Variants in TBXAS1 observed in about 807,000 individuals in gnomAD.
TBXAS1 encodes thromboxane A synthase 1, also known as thromboxane-A synthase.
A neutral mutation model predicts 60.7 loss-of-function variants in TBXAS1; 48 were observed. That is an observed-to-expected ratio of 0.79 (90% CI 0.63 to 1.01). The LOEUF is 1.01. TBXAS1 is among the 50% of genes least tolerant of loss of function. The pLI is 0.00. For missense variants in TBXAS1, 685 were observed against 686.3 expected (o/e 1.00, Z 0.02); for synonymous variants, 287 against 269.7 (o/e 1.06, Z -0.63).
intron 3 of TBXAS1, among the ~76,000 whole-genome samples, chr7:139,903,682 C>T (rs185320024): frequency 2.1e-4 from 32 of 152,032 alleles, no homozygotes; most frequent in East Asian, 5.8e-4. Flanking sequence ...CAGTTTTGAT[C>T]GGCATTTCCC....
Position 139,953,530 on chromosome 7 carries a change from AC to A in TBXAS1, c.539+75del, listed in dbSNP as rs1809584047. ...TTCTTGTAACTGTCCATAATTGCTG[AC>A]AATTACCTTGGGACTAGCAAACTGT... On this transcript the variant is annotated intron_variant, in intron 6 of 12. Coordinates refer to ENST00000448866, the MANE Select transcript of TBXAS1 (RefSeq NM_001061.7). 1.2e-5 allele frequency: 17 copies of A among 1,418,138 alleles called. No individual in the cohort carries two copies. In the South Asian group the frequency reaches 1.8e-4, roughly 15 times the overall value. 87.8% of individuals were successfully genotyped at this position (1,418,138 alleles called of 1,614,324 possible). A position where few individuals can be genotyped will look rare whatever the true frequency, so the allele number is the denominator to read the frequency against.
chr7:139,911,157 T>C (rs1012334875), intron 3 of TBXAS1, 68 bp from the exon 4 acceptor site: 5 of 1,366,832 alleles, frequency 3.7e-6, no homozygotes, highest in African/African-American at 1.4e-5. Context: ...TAAGCTACCG[T>C]GAACTCTTTT....
At chr7:139,877,573 C>T (rs965555108) in intron 3 of TBXAS1, among the ~76,000 whole-genome samples, 1 of 151,946 alleles carries the variant, frequency 6.6e-6, no homozygotes. Flanking sequence ...CAGGCGCCCG[C>T]CACCATGCCT....
At chr7:139,892,629 AAAC>A (rs1393528937) in intron 3 of TBXAS1, among the ~76,000 whole-genome samples, 1 of 151,968 alleles carries the variant, frequency 6.6e-6, no homozygotes, top group African/African-American at 2.4e-5. Context: ...CAACAAAACA[AAAC>A]AAACAAAAAA....
intron 1 of TBXAS1, among the ~76,000 whole-genome samples, chr7:139,841,999 CAG>C (rs1210412938): frequency 1.3e-5 from 2 of 152,006 alleles, no homozygotes; most frequent in South Asian, 2.1e-4. Context: ...GATGATTAAA[CAG>C]AGTAATATTA....
intron 5 of TBXAS1, among the ~76,000 whole-genome samples, chr7:139,942,406 G>A (rs1808362284): frequency 6.6e-6 from 1 of 152,242 alleles, no homozygotes; most frequent in East Asian, 1.9e-4. Flanking sequence ...TGGCTACTGA[G>A]AGAAATGAGT....
chr7:139,797,099 A>G (rs1464649113), intron 4 of TBXAS1: 1 of 152,256 alleles, frequency 6.6e-6, no homozygotes, highest in Non-Finnish European at 1.5e-5. Flanking sequence ...AAGAAAATCC[A>G]TTAAAATATA....
At chr7:139,802,409 G>C (rs987353077) in intron 4 of TBXAS1, among the ~76,000 whole-genome samples, 2 of 152,164 alleles carry the variant, frequency 1.3e-5, no homozygotes, top group African/African-American at 4.8e-5. Context: ...CCAGTGGGAG[G>C]TCATTGAATC....
At chr7:139,908,295 A>G (rs541937767) in intron 3 of TBXAS1, among the ~76,000 whole-genome samples, 10 of 151,864 alleles carry the variant, frequency 6.6e-5, no homozygotes, top group South Asian at 2.1e-4. Flanking sequence ...AGTGCTATCA[A>G]TTTCTCTCTC....
At chr7:140,001,771 C>A (rs534599578) in intron 9 of TBXAS1, among the ~76,000 whole-genome samples, 1 of 152,316 alleles carries the variant, frequency 6.6e-6, no homozygotes, top group African/African-American at 2.4e-5. Flanking sequence ...TTGAGAGCAT[C>A]AAATATCCTG....
chr7:139,818,544 T>C (rs190392208), intron 4 of TBXAS1, among the ~76,000 whole-genome samples: 96 of 152,238 alleles, frequency 6.3e-4, no homozygotes, highest in Admixed American at 6.3e-3. Context: ...ATACTGCCAT[T>C]CTAGGTGGAG....
chr7:139,990,972 A>G (rs1333701500), intron 9 of TBXAS1, among the ~76,000 whole-genome samples: 1 of 152,158 alleles, frequency 6.6e-6, no homozygotes, highest in Non-Finnish European at 1.5e-5. Flanking sequence ...GCAGGAGCAG[A>G]GACACGAAGA....
chr7:139,833,219 C>T (rs1798825123), intron 1 of TBXAS1, among the ~76,000 whole-genome samples: 1 of 152,150 alleles, frequency 6.6e-6, no homozygotes, highest in Admixed American at 6.5e-5. Flanking sequence ...TAAGAACTCA[C>T]CAACCAACTA....
intron 9 of TBXAS1, among the ~76,000 whole-genome samples, chr7:139,987,628 A>T (rs997358462): frequency 2.0e-5 from 3 of 152,202 alleles, no homozygotes; most frequent in Admixed American, 6.5e-5. Flanking sequence ...ATCAGTTGTC[A>T]GGACCCCCGA....
At chr7:140,014,018 A>C (rs1212426469) in intron 10 of TBXAS1, among the ~76,000 whole-genome samples, 1 of 152,178 alleles carries the variant, frequency 6.6e-6, no homozygotes, top group Non-Finnish European at 1.5e-5. Flanking sequence ...ATACAGCCTC[A>C]AGCACCTGGG....
intron 1 of TBXAS1, among the ~76,000 whole-genome samples, chr7:139,869,789 T>G (rs1170475279): frequency 6.6e-6 from 1 of 152,204 alleles, no homozygotes; most frequent in Non-Finnish European, 1.5e-5. Flanking sequence ...ACTTATCTTT[T>G]TGGTGGTGAT....
upstream of TBXAS1, among the ~76,000 whole-genome samples, chr7:139,826,271 G>A (rs141510223): frequency 4.4e-3 from 666 of 152,252 alleles, 4 homozygotes; most frequent in African/African-American, 0.012. Context: ...GATGGAATGG[G>A]ATGAAGGAGA....
At chr7:139,964,074 C>T (rs1461739277) in intron 9 of TBXAS1, among the ~76,000 whole-genome samples, 1 of 152,016 alleles carries the variant, frequency 6.6e-6, no homozygotes, top group African/African-American at 2.4e-5. Flanking sequence ...ATGCTTAGGT[C>T]GCTGCCCATT....
intron 1 of TBXAS1, among the ~76,000 whole-genome samples, chr7:139,840,623 C>A (rs1401848717): frequency 6.6e-6 from 1 of 152,048 alleles, no homozygotes; most frequent in Non-Finnish European, 1.5e-5. Flanking sequence ...AGCTGCACAA[C>A]CAGTGGAAAT....
Sources: gnomAD v4.1 joint callset for allele counts (sites outside exome capture counted in the v4.1 genomes callset) on GRCh38, gnomAD v4.1.1 for gene constraint, MANE v1.5 for transcripts, NCBI Gene and HGNC (gene_info 2026-07-23, HGNC 2026-07-21) for gene names.